The following BCL2 variants were observed in gnomAD, a reference collection of about 807,000 sequenced individuals.
The protein encoded by BCL2 is BCL2 apoptosis regulator, also known as apoptosis regulator Bcl-2.
Under a neutral mutation model 14.2 loss-of-function variants are expected in BCL2, and 1 was observed. The ratio of observed to expected loss-of-function variants is 0.07; its 90% CI spans 0.02 to 0.33. BCL2 has a LOEUF of 0.33. Ranked by LOEUF, BCL2 falls within the 10% of genes least tolerant of loss-of-function variation. The pLI, the probability that BCL2 is intolerant of heterozygous loss-of-function variation, is 0.99. For missense variants in BCL2, 247 were observed against 305.9 expected, an observed-to-expected ratio of 0.81 and a Z score of 1.44; for synonymous variants, 151 against 137.2, an observed-to-expected ratio of 1.10 and a Z score of -0.70.
intron 2 of BCL2, among the ~76,000 whole-genome samples, chr18:63,134,747 T>C (rs1446607111): frequency 6.6e-6 from 1 of 152,136 alleles, no homozygotes; most frequent in Non-Finnish European, 1.5e-5. Context: ...ACTAAATCAA[T>C]GGGTGCCGCC....
intron 2 of BCL2, among the ~76,000 whole-genome samples, chr18:63,260,233 T>C (rs542362718): frequency 4.6e-5 from 7 of 152,182 alleles, no homozygotes; most frequent in Non-Finnish European, 7.4e-5. Context: ...CTAATTTTCC[T>C]CATTCCATAC....
chr18:63,166,823 C>G (rs920202509), intron 2 of BCL2, among the ~76,000 whole-genome samples: 2 of 152,200 alleles, frequency 1.3e-5, no homozygotes, highest in Non-Finnish European at 1.5e-5. Context: ...TCGTCTTATA[C>G]AGGTTTCTTT....
chr18:63,299,378 C>T (rs966034882), intron 2 of BCL2, among the ~76,000 whole-genome samples: 4 of 152,214 alleles, frequency 2.6e-5, no homozygotes, highest in Admixed American at 2.0e-4. Flanking sequence ...CAGGTAGTCC[C>T]ATCCTGGGAG....
intron 2 of BCL2, among the ~76,000 whole-genome samples, chr18:63,233,271 T>C (rs1910735631): frequency 6.6e-6 from 1 of 152,228 alleles, no homozygotes; most frequent in Admixed American, 6.5e-5. Context: ...AATATAACAG[T>C]TAAAGGAATT....
intron 2 of BCL2, among the ~76,000 whole-genome samples, chr18:63,283,332 T>TCA (rs1912367362): frequency 6.6e-6 from 1 of 152,204 alleles, no homozygotes; most frequent in African/African-American, 2.4e-5. Flanking sequence ...TCAAATGGAT[T>TCA]CACGTTCTGA....
intron 2 of BCL2, among the ~76,000 whole-genome samples, chr18:63,178,042 CG>C (rs964148639): frequency 1.3e-5 from 2 of 152,166 alleles, no homozygotes; most frequent in African/African-American, 4.8e-5. Context: ...GGCCCAGACT[CG>C]GGGCCTCTGG....
At position 63,123,543 on chromosome 18, in the gene BCL2, T is replaced by C. The variant is rs1207672801; in HGVS notation, c.*5082A>G. 1 of 207,864 alleles carries C rather than the reference T, an allele frequency of 4.8e-6. No homozygotes were observed. The highest frequency in any genetic ancestry group is 9.8e-6 in the Non-Finnish European group (1 of 102,032). The allele number at this position is 207,864 out of a possible 1,614,324, so 12.9% of individuals were successfully genotyped here. A position where few individuals can be genotyped will look rare whatever the true frequency, so the allele number is the denominator to read the frequency against. On this transcript the variant is annotated 3_prime_UTR_variant, in exon 3 of 3. Coordinates refer to ENST00000333681, the MANE Select transcript of BCL2 (RefSeq NM_000633.3). Reference sequence around the variant, plus strand: ...TTTATGTGTACAGTGTTGCAGAATATCAGCCACCTCTTAAAAGTATCAATC... The same window carrying C: ...TTTATGTGTACAGTGTTGCAGAATACCAGCCACCTCTTAAAAGTATCAATC...
At chr18:63,233,382 T>G (rs1336404103) in intron 2 of BCL2, among the ~76,000 whole-genome samples, 1 of 152,220 alleles carries the variant, frequency 6.6e-6, no homozygotes, top group East Asian at 1.9e-4. Flanking sequence ...CCATTCGTTT[T>G]TTAAACTTGC....
intron 2 of BCL2, among the ~76,000 whole-genome samples, chr18:63,132,696 A>G (rs185536164): frequency 1.9e-4 from 29 of 152,322 alleles, no homozygotes; most frequent in Admixed American, 1.7e-3. Flanking sequence ...ATGACCTGAA[A>G]GCTTCTTTCG....
At chr18:63,218,226 C>T (rs1568237290) in intron 2 of BCL2, among the ~76,000 whole-genome samples, 1 of 152,236 alleles carries the variant, frequency 6.6e-6, no homozygotes, top group East Asian at 1.9e-4. Flanking sequence ...CTGTCTGACA[C>T]CAGCAAGTTC....
At chr18:63,313,160 A>G (rs1913388999) in intron 2 of BCL2, among the ~76,000 whole-genome samples, 1 of 152,186 alleles carries the variant, frequency 6.6e-6, no homozygotes, top group African/African-American at 2.4e-5. Flanking sequence ...TATGATAACT[A>G]CGAGTTTATT....
chr18:63,219,584 C>G (rs1167058823), intron 2 of BCL2, among the ~76,000 whole-genome samples: 2 of 151,620 alleles, frequency 1.3e-5, no homozygotes, highest in African/African-American at 2.4e-5. Context: ...AGCCTCCTCA[C>G]GCAGCACTTT....
Position 63,131,224 on chromosome 18 carries a change from G to A in BCL2, c.586-2465C>T, listed in dbSNP as rs552233098. Among the ~76,000 whole-genome samples, 5 of 152,300 alleles carry A rather than the reference G, an allele frequency of 3.3e-5. No individual in the cohort carries two copies. In the South Asian group the frequency reaches 1.0e-3, roughly 32 times the overall value. Reference sequence around the variant, plus strand: ...AGCATTGGTCAAATCAGCACAATCAGCTAGCCCAGACCAGCGACTGCTAAC... The same window carrying A: ...AGCATTGGTCAAATCAGCACAATCAACTAGCCCAGACCAGCGACTGCTAAC... On this transcript the variant is annotated intron_variant, in intron 2 of 2. Transcript: ENST00000333681.
rs1913975251 is a variant in BCL2 at position 63,128,510 on chromosome 18, T to G, written c.*115A>C. The G allele has an allele frequency of 3.0e-6, 2 of 662,154 alleles. No individual in the cohort carries two copies. The highest frequency in any genetic ancestry group is 2.3e-5 in the Admixed American group (1 of 44,256). The allele number at this position is 662,154 out of a possible 1,614,324, so 41.0% of individuals were successfully genotyped here. ...GTGTGTGTGATGTTTATATGTGTGT[T>G]ATTTTTTCTTAAACAGCCTGCAGCT... On this transcript the variant is annotated 3_prime_UTR_variant, in exon 3 of 3. Transcript: ENST00000333681.
In BCL2 at chr18:63,318,330, C is replaced by A; in HGVS notation, c.337G>T (p.Ala113Ser). 6.2e-7 allele frequency: 1 copy of A among 1,613,062 alleles called. No homozygotes were observed. The highest frequency in any genetic ancestry group is 8.5e-7 in the Non-Finnish European group (1 of 1,179,412). The stretch of plus-strand genomic sequence containing the variant: ...AGGTGCAGCTGGCTGGACATCTCGG[C>A]GAAGTCGCGGCGGTAGCGGCGGGAG... ...DFSRRYRRDF[A>S]EMSSQLHLTP... The change falls in exon 2 of 3, where the codon GCC becomes TCC. Residue 113 changes from alanine to serine, a missense_variant. Physicochemically the swap from Ala to Ser is moderately conservative, Grantham distance 99 (BLOSUM62 1). This residue lies in a region of BCL2 where 67 missense variants were observed against 145.7 expected (regional missense o/e 0.46). Transcript: ENST00000333681. This position sits in a 1 kb window ranked among gnomAD's most constrained non-coding sequence, Gnocchi z 7.4.
At chr18:63,231,944 C>A (rs1230366052) in intron 2 of BCL2, among the ~76,000 whole-genome samples, 1 of 151,846 alleles carries the variant, frequency 6.6e-6, no homozygotes, top group East Asian at 1.9e-4. Flanking sequence ...CTTAATTATG[C>A]CATAAAATTA....
At chr18:63,205,401 T>A (rs190000153) in intron 2 of BCL2, among the ~76,000 whole-genome samples, 207 of 152,292 alleles carry the variant, frequency 1.4e-3, no homozygotes, top group Non-Finnish European at 1.1e-3. Flanking sequence ...TCAATAACTG[T>A]TTGTTGAGTC....
At chr18:63,302,572 T>C (rs759666859) in intron 2 of BCL2, 133 of 985,282 alleles carry the variant, frequency 1.3e-4, no homozygotes, top group Non-Finnish European at 1.5e-4. Context: ...ATATGTGCTT[T>C]ATTAAACAAA....
chr18:63,154,118 C>T (rs1044405492), intron 2 of BCL2, among the ~76,000 whole-genome samples: 3 of 152,188 alleles, frequency 2.0e-5, no homozygotes, highest in Non-Finnish European at 4.4e-5. Context: ...CTCTAAGGGT[C>T]TAATCAGCCC....
Sources: allele counts gnomAD v4.1 joint callset (sites outside exome capture counted in the v4.1 genomes callset), GRCh38; gene constraint gnomAD v4.1.1; regional missense constraint gnomAD v4.1.1; non-coding constraint Gnocchi (gnomAD v3.1); transcripts MANE v1.5; gene names NCBI Gene and HGNC (gene_info 2026-07-23, HGNC 2026-07-21).